The following NKD2 variants were observed in gnomAD, a reference collection of about 807,000 sequenced individuals.
NKD2 encodes the protein NKD inhibitor of Wnt signaling pathway 2, also known as protein naked cuticle homolog 2.
NKD2 carries 43 observed loss-of-function variants against 34.8 expected under a neutral mutation model. The ratio of observed to expected loss-of-function variants is 1.24; its 90% CI spans 0.97 to 1.60. The LOEUF (loss-of-function observed/expected upper bound fraction) is 1.60, where lower values mean the gene tolerates loss of function less well. NKD2 is among the 40% of genes most tolerant of loss of function. NKD2 has a pLI of 0.00. For synonymous variants in NKD2, 278 were observed against 265.1 expected, an observed-to-expected ratio of 1.05 and a Z score of -0.47; for missense variants, 675 against 627.1, an observed-to-expected ratio of 1.08 and a Z score of -0.82.
At chr5:1,033,799 G>A (rs1756741935) in intron 5 of NKD2, among the ~76,000 whole-genome samples, 1 of 152,224 alleles carries the variant, frequency 6.6e-6, no homozygotes, top group Admixed American at 6.5e-5. Flanking sequence ...TAATGCCAAA[G>A]CTGACTTGAC....
intron 3 of NKD2, among the ~76,000 whole-genome samples, chr5:1,027,983 AGCTGCTGGGC>A (rs1292078035): frequency 6.6e-6 from 1 of 152,228 alleles, no homozygotes; most frequent in African/African-American, 2.4e-5. Flanking sequence ...GTGGTGCTCC[AGCTGCTGGGC>A]GCTGCCGAGC....
At chr5:1,020,170 C>CT (rs911540880) in intron 3 of NKD2, among the ~76,000 whole-genome samples, 1 of 152,126 alleles carries the variant, frequency 6.6e-6, no homozygotes, top group Admixed American at 6.5e-5. Context: ...AAATGGTTGT[C>CT]TAACATTCAG....
chr5:1,021,704 T>A (rs1756194829), intron 3 of NKD2, among the ~76,000 whole-genome samples: 1 of 151,634 alleles, frequency 6.6e-6, no homozygotes, highest in South Asian at 2.1e-4. Flanking sequence ...TCAAATTCCA[T>A]CCTATGGCGG....
At position 1,008,979 on chromosome 5, in the gene NKD2, C is replaced by T. The variant is rs1031153593; in HGVS notation, c.-79C>T. The T allele has an allele frequency of 2.4e-5, 10 of 416,394 alleles. No individual in the cohort carries two copies. Among genetic ancestry groups the T allele is most frequent in the East Asian group, 3.6e-5 (1 of 27,428 alleles). 25.8% of individuals were successfully genotyped at this position (416,394 alleles called of 1,614,324 possible). On this transcript the variant is annotated 5_prime_UTR_variant, in exon 1 of 10. Transcript: ENST00000296849. ...CCTAGCTTGCTCCCGGCCCATGCGGCCCCCGCGGGCTCCCGGCCCCGGCTT... is the reference window on the plus strand; with the variant it reads ...CCTAGCTTGCTCCCGGCCCATGCGGTCCCCGCGGGCTCCCGGCCCCGGCTT...
At chr5:1,019,908 G>A (rs572070966) in intron 3 of NKD2, among the ~76,000 whole-genome samples, 6 of 152,294 alleles carry the variant, frequency 3.9e-5, no homozygotes, top group South Asian at 4.2e-4. Flanking sequence ...AAGTGGATTC[G>A]GGTCTGCTTT....
At chr5:1,021,674 G>A (rs56271444) in intron 3 of NKD2, among the ~76,000 whole-genome samples, 63,080 of 151,536 alleles carry the variant, frequency 0.42, 14,140 homozygotes, top group East Asian at 0.57. Context: ...AGACAGGCGC[G>A]CTGGCGGATC....
chr5:1,018,373 A>G (rs1756041174), intron 3 of NKD2, among the ~76,000 whole-genome samples: 2 of 152,194 alleles, frequency 1.3e-5, no homozygotes, highest in Admixed American at 1.3e-4. Context: ...TGGGACCACT[A>G]GCAGGGGCTT....
intron 3 of NKD2, among the ~76,000 whole-genome samples, chr5:1,015,097 C>G (rs549891009): frequency 6.6e-6 from 1 of 152,348 alleles, no homozygotes; most frequent in Non-Finnish European, 1.5e-5. Flanking sequence ...GGAGAGCAGC[C>G]AGGTGTGGCC....
Position 1,009,557 on chromosome 5 carries a change from G to A in NKD2, c.138G>A (p.Lys46=), listed in dbSNP as rs748805843. ...AEEAERRARD[K]QELPNGDPKE... ...AAGCGGAGCGGCGCGCGCGGGACAA[G>A]CAGGTAGGCGGCGGGGCGGAGGCTG... The change falls in exon 3 of 10, where the codon AAG becomes AAA. Residue 46 remains lysine, a synonymous_variant. Coordinates refer to ENST00000296849, the MANE Select transcript of NKD2 (RefSeq NM_033120.4). The surrounding 1 kb of genome is among the most constrained non-coding windows in gnomAD (Gnocchi z 6.9). 9.5e-5 allele frequency: 141 copies of A among 1,482,908 alleles called. 5 individuals are homozygous for A. The South Asian group carries it at 1.7e-3, about 18-fold the overall frequency. The allele number at this position is 1,482,908 out of a possible 1,614,324, so 91.9% of individuals were successfully genotyped here.
intron 3 of NKD2, among the ~76,000 whole-genome samples, chr5:1,019,148 A>G (rs1346849474): frequency 2.0e-5 from 3 of 152,090 alleles, no homozygotes; most frequent in Non-Finnish European, 4.4e-5. Flanking sequence ...TCCCCTGCCA[A>G]TTATACCCAC....
Position 1,034,313 on chromosome 5 carries a change from G to A in NKD2, c.409G>A (p.Gly137Arg), listed in dbSNP as rs781683560. 1.4e-4 allele frequency: 224 copies of A among 1,612,630 alleles called. No individual in the cohort carries two copies. Among genetic ancestry groups the A allele is most frequent in the Non-Finnish European group, 1.8e-4 (207 of 1,179,802 alleles). ...CACGCTCTATGACTTTGACAACTGC[G>A]GGAAGGTCACCAGGGAGGTAGGTGA... Reference protein sequence around the residue: ...TFTLYDFDNCGKVTREDMSSL... With the variant: ...TFTLYDFDNCRKVTREDMSSL... The change falls in exon 6 of 10, where the codon GGG (glycine) becomes AGG (arginine). Residue 137 changes from glycine (G) to arginine (R), a missense_variant. Coordinates refer to ENST00000296849, the MANE Select transcript of NKD2 (RefSeq NM_033120.4).
chr5:1,034,638 G>A (rs1455597171), intron 6 of NKD2, 118 bp from the exon 7 acceptor site: 22 of 1,119,822 alleles, frequency 2.0e-5, no homozygotes, highest in Non-Finnish European at 2.8e-5. Context: ...CCTGTGGTCT[G>A]TTGGTGGATG....
chr5:1,031,389 C>T (rs988211406), intron 3 of NKD2, among the ~76,000 whole-genome samples: 4 of 152,268 alleles, frequency 2.6e-5, no homozygotes, highest in African/African-American at 7.2e-5. Flanking sequence ...GCTGTATCTC[C>T]TTGTGGGCTT....
chr5:1,027,882 TC>T (rs1399810238), intron 3 of NKD2, among the ~76,000 whole-genome samples: 5 of 152,220 alleles, frequency 3.3e-5, no homozygotes, highest in African/African-American at 1.2e-4. Context: ...CACCGGCACT[TC>T]CAGGTTGAAG....
chr5:1,021,112 A>C (rs1181413774), intron 3 of NKD2, among the ~76,000 whole-genome samples: 1 of 152,188 alleles, frequency 6.6e-6, no homozygotes, highest in African/African-American at 2.4e-5. Context: ...GCTTGTGAGG[A>C]CATCTGAGTA....
At chr5:1,036,219 C>G (rs1561000607) in intron 8 of NKD2, 38 bp from the exon 9 acceptor site, 3 of 1,511,326 alleles carry the variant, frequency 2.0e-6, no homozygotes, top group Non-Finnish European at 2.7e-6. Context: ...GCCACCCAGT[C>G]TGTGCGGGGG....
intron 3 of NKD2, among the ~76,000 whole-genome samples, chr5:1,029,453 A>G (rs1756552932): frequency 6.6e-6 from 1 of 152,116 alleles, no homozygotes; most frequent in African/African-American, 2.4e-5. Context: ...GCGTTTCCAG[A>G]CATCAAACCA....
At chr5:1,035,214 ATGAG>A (rs1246288236) in intron 7 of NKD2, among the ~76,000 whole-genome samples, 171 bp from the exon 8 acceptor site, 1 of 152,158 alleles carries the variant, frequency 6.6e-6, no homozygotes. Context: ...GAGTTAATGA[ATGAG>A]TGAACGAGTG....
intron 3 of NKD2, among the ~76,000 whole-genome samples, chr5:1,016,634 T>C (rs186940477): frequency 6.5e-4 from 99 of 152,350 alleles, no homozygotes; most frequent in Non-Finnish European, 1.2e-3. Flanking sequence ...CCCTCCTTGC[T>C]GTCTCCAGTG....
Sources: gnomAD v4.1 joint callset for allele counts (sites outside exome capture counted in the v4.1 genomes callset) on GRCh38, gnomAD v4.1.1 for gene constraint, Gnocchi (gnomAD v3.1) non-coding constraint, MANE v1.5 for transcripts, NCBI Gene and HGNC (gene_info 2026-07-23, HGNC 2026-07-21) for gene names.